Variants in MTMR3 observed in about 807,000 individuals in gnomAD.
MTMR3 encodes the protein phosphatidylinositol-3,5-bisphosphate 3-phosphatase MTMR3.
MTMR3 carries 32 observed loss-of-function variants against 132.4 expected under a neutral mutation model. The observed-to-expected ratio is 0.24, with a 90% CI of 0.18 to 0.32. The LOEUF is 0.32. Among genes scored for constraint, MTMR3 ranks in the 10% least tolerant of loss-of-function variants. The probability of loss-of-function intolerance (pLI) is 1.00; values close to 1 mark genes in which losing one functional copy is unlikely to be tolerated. For synonymous variants in MTMR3, 556 were observed against 550.3 expected (o/e 1.01, Z -0.14); for missense variants, 1,216 against 1,489.6 (o/e 0.82, Z 3.02).
intron 1 of MTMR3, among the ~76,000 whole-genome samples, chr22:29,890,814 G>C (rs1276234194): frequency 1.3e-5 from 2 of 152,002 alleles, no homozygotes; most frequent in East Asian, 3.9e-4. Flanking sequence ...GTGTAGACCA[G>C]TGGTCTTCAA....
intron 11 of MTMR3, chr22:30,008,279 A>G (rs2047391183): frequency 4.9e-6 from 2 of 404,938 alleles, no homozygotes; most frequent in Non-Finnish European, 8.9e-6. Context: ...GTGATAAGGA[A>G]AGCAGATCTT....
rs186198504 is a variant in MTMR3, at chr22:29,961,571, T to C, written c.-85+4483T>C. Among the ~76,000 whole-genome samples the C allele has an allele frequency of 1.2e-3, 186 of 152,310 alleles. 1 individual carries two copies. Among genetic ancestry groups the C allele is most frequent in the Non-Finnish European group, 2.1e-3 (140 of 68,028 alleles). ...ACAGACCCAAGATACGATGGTAGCC[T>C]CATGAGATTAAAATGGAACTGAAAA... On this transcript the variant is annotated intron_variant, in intron 2 of 19. Coordinates refer to ENST00000401950, the MANE Select transcript of MTMR3 (RefSeq NM_021090.4).
chr22:29,889,790 C>G (rs1476099248), intron 1 of MTMR3, among the ~76,000 whole-genome samples: 1 of 151,362 alleles, frequency 6.6e-6, no homozygotes, highest in African/African-American at 2.4e-5. Context: ...TATAGCAGTT[C>G]TGTGTTATTA....
intron 7 of MTMR3, chr22:29,996,565 T>C (rs1346209716): frequency 6.6e-6 from 1 of 152,194 alleles, no homozygotes; most frequent in Non-Finnish European, 1.5e-5. Context: ...AAATAAATCA[T>C]TAATGAAATA....
Position 30,016,777 on chromosome 22 carries a change from G to T in MTMR3, c.1674+79G>T, listed in dbSNP as rs2067602563. The stretch of plus-strand genomic sequence containing the variant: ...TTACATATGAGAGCCTTTTTGAGTA[G>T]TGACTGTTTTTGTGAAGACATCTCT... On this transcript the variant is annotated intron_variant, in intron 15 of 19. Transcript: ENST00000401950. The T allele has an allele frequency of 1.2e-5, 17 of 1,464,426 alleles. No homozygotes were observed. The South Asian group carries it at 2.0e-4, about 17-fold the overall frequency. The allele number at this position is 1,464,426 out of a possible 1,614,324, so 90.7% of individuals were successfully genotyped here.
At chr22:30,016,151 C>T (rs542808165) in intron 14 of MTMR3, 1 of 205,462 alleles carries the variant, frequency 4.9e-6, no homozygotes, top group South Asian at 8.4e-5. Context: ...GTGAAATGCT[C>T]AATAATTTGT....
intron 1 of MTMR3, among the ~76,000 whole-genome samples, chr22:29,908,769 A>G (rs574477002): frequency 2.6e-5 from 4 of 152,288 alleles, no homozygotes; most frequent in Admixed American, 1.3e-4. Flanking sequence ...AGAACTTTCT[A>G]TTTCTCAGTA....
intron 3 of MTMR3, among the ~76,000 whole-genome samples, chr22:29,973,728 T>G (rs1346941176): frequency 6.6e-6 from 1 of 152,098 alleles, no homozygotes; most frequent in African/African-American, 2.4e-5. Flanking sequence ...GCCTCCTGAG[T>G]AGCTGAGATT....
chr22:29,925,908 C>T (rs950499698), intron 1 of MTMR3, among the ~76,000 whole-genome samples: 11 of 152,018 alleles, frequency 7.2e-5, no homozygotes, highest in East Asian at 3.8e-4. Flanking sequence ...GAACAAGACT[C>T]GGTCTCAAAA....
chr22:29,973,368 C>T (rs2066572498), intron 3 of MTMR3, among the ~76,000 whole-genome samples: 1 of 152,202 alleles, frequency 6.6e-6, no homozygotes, highest in Non-Finnish European at 1.5e-5. Context: ...ATCATAAATT[C>T]ATGACTATTC....
At chr22:30,018,696 C>T (rs958218392) in intron 16 of MTMR3, 5 of 151,566 alleles carry the variant, frequency 3.3e-5, no homozygotes, top group African/African-American at 1.2e-4. Flanking sequence ...GATCCAAGAT[C>T]CATTGCACTC....
intron 1 of MTMR3, among the ~76,000 whole-genome samples, chr22:29,884,551 CTTTTTTTTTTTT>C (rs35960936): frequency 1.9e-4 from 12 of 62,684 alleles, no homozygotes; most frequent in South Asian, 1.6e-3. Flanking sequence ...CAGAATGACA[CTTTTTTTTTTTT>C]TTTTTTTTTT....
intron 1 of MTMR3, among the ~76,000 whole-genome samples, chr22:29,897,792 C>G (rs1464176962): frequency 2.0e-5 from 3 of 151,964 alleles, no homozygotes; most frequent in Non-Finnish European, 4.4e-5. Context: ...CGGTTGGAGT[C>G]CCTTTTGTCA....
chr22:29,948,109 A>G (rs2065985910), intron 1 of MTMR3, among the ~76,000 whole-genome samples: 1 of 152,236 alleles, frequency 6.6e-6, no homozygotes, highest in Non-Finnish European at 1.5e-5. Flanking sequence ...TTCATTTCAC[A>G]TAGCCTCTAG....
Position 30,022,128 on chromosome 22 carries a change from C to T in MTMR3, c.3325C>T (p.Gln1109Ter), listed in dbSNP as rs1569056157. The T allele has an allele frequency of 6.2e-7, 1 of 1,613,058 alleles. No individual in the cohort carries two copies. Among genetic ancestry groups the T allele is most frequent in the Non-Finnish European group, 8.5e-7 (1 of 1,179,020 alleles). ...AGCCAGCTGGGAGCAGGTGGATAAACAGGACACAGAGGTACAGGCTCAGCC... is the reference window on the plus strand; with the variant it reads ...AGCCAGCTGGGAGCAGGTGGATAAATAGGACACAGAGGTACAGGCTCAGCC... The part of the protein sequence containing the change: ...SEASWEQVDK[Q>*]DTEMTRWLPD... The change falls in exon 18 of 20, where the codon CAG becomes TAG. Residue 1109 changes from glutamine to a stop codon, truncating the protein, a stop_gained. Transcript: ENST00000401950. LOFTEE classifies it high-confidence loss of function.
intron 1 of MTMR3, among the ~76,000 whole-genome samples, chr22:29,951,889 G>GT (rs11331318): frequency 0.042 from 5,583 of 131,378 alleles, 374 homozygotes; most frequent in African/African-American, 0.14. Flanking sequence ...ACAAGTAAAG[G>GT]TTTTTTTTTT....
At chr22:29,991,936 C>A (rs1484007181) in intron 7 of MTMR3, 1 of 280,820 alleles carries the variant, frequency 3.6e-6, no homozygotes, top group Non-Finnish European at 6.6e-6. Context: ...AGTATGGAAG[C>A]CTGATAGAAA....
intron 1 of MTMR3, among the ~76,000 whole-genome samples, chr22:29,938,534 G>T (rs2065794935): frequency 6.6e-6 from 1 of 152,100 alleles, no homozygotes; most frequent in Non-Finnish European, 1.5e-5. Context: ...CATATAGAGA[G>T]AAATTTTTCT....
intron 1 of MTMR3, among the ~76,000 whole-genome samples, chr22:29,940,505 A>G (rs1275744271): frequency 1.3e-5 from 2 of 150,162 alleles, no homozygotes; most frequent in East Asian, 3.8e-4. Flanking sequence ...CTCTCTTCAC[A>G]CGGATGCGTG....
Sources: allele counts gnomAD v4.1 joint callset (sites outside exome capture counted in the v4.1 genomes callset), GRCh38; gene constraint gnomAD v4.1.1; transcripts MANE v1.5; gene names NCBI Gene and HGNC (gene_info 2026-07-23, HGNC 2026-07-21).